Variants in PROS1 observed in about 807,000 individuals in gnomAD.
PROS1 encodes protein S, also known as vitamin K-dependent protein S.
PROS1 carries 29 observed loss-of-function variants against 75.9 expected under a neutral mutation model. The observed-to-expected ratio is 0.38, with a 90% confidence interval of 0.28 to 0.52. The LOEUF (loss-of-function observed/expected upper bound fraction) is 0.52, where lower values mean the gene tolerates loss of function less well. Ranked by LOEUF, PROS1 falls within the 20% of genes least tolerant of loss-of-function variation. The pLI, the probability that PROS1 is intolerant of heterozygous loss-of-function variation, is 0.83. For synonymous variants in PROS1, 245 were observed against 280.6 expected, an observed-to-expected ratio of 0.87 and a Z score of 1.27; for missense variants, 680 against 810.3, an observed-to-expected ratio of 0.84 and a Z score of 1.95.
At chr3:93,962,498 A>G (rs562205915) in intron 1 of PROS1, among the ~76,000 whole-genome samples, 1 of 152,198 alleles carries the variant, frequency 6.6e-6, no homozygotes, top group African/African-American at 2.4e-5. Context: ...GTTTCTCCAA[A>G]CTAAAGTATC....
At chr3:93,891,119 T>C (rs1708425420) in intron 10 of PROS1, among the ~76,000 whole-genome samples, 1 of 151,806 alleles carries the variant, frequency 6.6e-6, no homozygotes, top group Admixed American at 6.6e-5. Context: ...GTAATAATAG[T>C]GATGATAAAT....
intron 6 of PROS1, among the ~76,000 whole-genome samples, chr3:93,902,820 G>A (rs1708617132): frequency 6.6e-6 from 1 of 152,020 alleles, no homozygotes; most frequent in Non-Finnish European, 1.5e-5. Context: ...ACAGTTACTG[G>A]CAACTGGATC....
chr3:93,921,866 T>C (rs1473317482), intron 3 of PROS1, among the ~76,000 whole-genome samples: 2 of 152,250 alleles, frequency 1.3e-5, no homozygotes, highest in African/African-American at 4.8e-5. Flanking sequence ...ATGCTCACTT[T>C]TGTTTTTCTA....
At chr3:93,905,539 A>C (rs1005341258) in intron 6 of PROS1, among the ~76,000 whole-genome samples, 1 of 152,226 alleles carries the variant, frequency 6.6e-6, no homozygotes, top group Non-Finnish European at 1.5e-5. Context: ...CGGGAGGTCA[A>C]GGCTACAGTG....
intron 1 of PROS1, among the ~76,000 whole-genome samples, chr3:93,938,849 G>T (rs1709232120): frequency 6.6e-6 from 1 of 152,024 alleles, no homozygotes; most frequent in South Asian, 2.1e-4. Flanking sequence ...ATCACCATGG[G>T]GATGCCTGCC....
At chr3:93,968,578 T>C (rs545090823) in intron 1 of PROS1, among the ~76,000 whole-genome samples, 1 of 152,266 alleles carries the variant, frequency 6.6e-6, no homozygotes, top group Admixed American at 6.5e-5. Flanking sequence ...TTTTTTACAT[T>C]CCGTCCTCAC....
chr3:93,935,133 G>C (rs1312921541), intron 1 of PROS1, among the ~76,000 whole-genome samples: 2 of 152,186 alleles, frequency 1.3e-5, no homozygotes, highest in African/African-American at 2.4e-5. Flanking sequence ...TTCTTGGTCA[G>C]TGATCAATGA....
chr3:93,880,009 T>C (rs1170280886), intron 12 of PROS1, among the ~76,000 whole-genome samples: 2 of 152,208 alleles, frequency 1.3e-5, no homozygotes, highest in Non-Finnish European at 2.9e-5. Context: ...CCAGAATAGT[T>C]GGATTACTAA....
chr3:93,886,781 T>C (rs779646651), intron 10 of PROS1, among the ~76,000 whole-genome samples: 5 of 152,346 alleles, frequency 3.3e-5, no homozygotes, highest in East Asian at 1.9e-4. Context: ...TCCAGTTATA[T>C]ATCTTTCAAT....
At chr3:93,973,225 A>C (rs951378667) in intron 1 of PROS1, among the ~76,000 whole-genome samples, 1 of 152,158 alleles carries the variant, frequency 6.6e-6, no homozygotes, top group Non-Finnish European at 1.5e-5. Flanking sequence ...AACCAAGCTC[A>C]AAGTCCAGAA....
intron 13 of PROS1, among the ~76,000 whole-genome samples, chr3:93,878,175 T>C (rs1221067032): frequency 6.6e-6 from 1 of 152,184 alleles, no homozygotes; most frequent in Non-Finnish European, 1.5e-5. Context: ...TGCATGAATG[T>C]AGTGTTTAAG....
In PROS1 at chr3:93,904,102, G is replaced by C. The variant is rs557674402; in HGVS notation, c.601+1682C>G. Among the ~76,000 whole-genome samples the C allele has an allele frequency of 6.6e-5, 10 of 151,822 alleles. No homozygotes were observed. In the South Asian group the frequency reaches 1.0e-3, roughly 16 times the overall value. On this transcript the variant is annotated intron_variant, in intron 6 of 14. Transcript: ENST00000394236. ...GTTCTTGCGATAGTTTACTGAGAAT[G>C]ATGATTTCCAATTTCATCCATGTCC...
intron 3 of PROS1, among the ~76,000 whole-genome samples, chr3:93,920,808 C>T (rs1708935619): frequency 6.6e-6 from 1 of 151,702 alleles, no homozygotes; most frequent in South Asian, 2.1e-4. Context: ...CTCTCCCTCC[C>T]TCCCTCCTTT....
At position 93,888,856 on chromosome 3, in the gene PROS1, T is replaced by C. The variant is rs8178666; in HGVS notation, c.1156-2353A>G. 8.1e-4 allele frequency among the ~76,000 whole-genome samples: 124 copies of C among 152,306 alleles called. 1 individual carries two copies. The South Asian group carries it at 0.013, about 16-fold the overall frequency. On this transcript the variant is annotated intron_variant, in intron 10 of 14. Transcript: ENST00000394236. ...ATCTTTTAAAATGCAAACTAGATCA[T>C]GTCCCTTCTCAAAACCATCCAGGGC...
chr3:93,893,219 CAA>C (rs1170080012), intron 9 of PROS1, 97 bp from the exon 10 acceptor site: 2 of 1,074,282 alleles, frequency 1.9e-6, no homozygotes, highest in Admixed American at 2.1e-5. Context: ...GTAACACAGA[CAA>C]AGAGTCAATT....
Position 93,973,804 on chromosome 3 carries a change from G to A in PROS1, c.-55C>T. The A allele has an allele frequency of 6.7e-7, 1 of 1,494,208 alleles. No individual in the cohort carries two copies. Among genetic ancestry groups the A allele is most frequent in the South Asian group, 1.2e-5 (1 of 84,502 alleles). 92.6% of individuals were successfully genotyped at this position (1,494,208 alleles called of 1,614,324 possible). A position where few individuals can be genotyped will look rare whatever the true frequency, so the allele number is the denominator to read the frequency against. On this transcript the variant is annotated 5_prime_UTR_variant, in exon 1 of 15. Transcript: ENST00000394236. The stretch of plus-strand genomic sequence containing the variant: ...CGGTGGCGCGTCGCGGCGGGGACCG[G>A]AGCGCTAGGCGCCGCGGAGCTGCGA...
chr3:93,954,599 G>A (rs559272273), intron 1 of PROS1, among the ~76,000 whole-genome samples: 2 of 152,260 alleles, frequency 1.3e-5, no homozygotes, highest in African/African-American at 2.4e-5. Context: ...AGACTTAAAT[G>A]TTAGACCTAA....
intron 3 of PROS1, among the ~76,000 whole-genome samples, chr3:93,920,661 A>G (rs1396976383): frequency 6.6e-6 from 1 of 152,094 alleles, no homozygotes; most frequent in Non-Finnish European, 1.5e-5. Context: ...TTCTTATTGC[A>G]TTGAATGTAA....
At chr3:93,893,719 T>A (rs1244798920) in intron 9 of PROS1, among the ~76,000 whole-genome samples, 1 of 152,172 alleles carries the variant, frequency 6.6e-6, no homozygotes, top group Non-Finnish European at 1.5e-5. Flanking sequence ...CCTTCATGTG[T>A]GGTAAGAAAG....
Sources: gnomAD v4.1 joint callset for allele counts (sites outside exome capture counted in the v4.1 genomes callset) on GRCh38, gnomAD v4.1.1 for gene constraint, MANE v1.5 for transcripts, NCBI Gene and HGNC (gene_info 2026-07-23, HGNC 2026-07-21) for gene names.